The following IL7 variants were observed in gnomAD, a reference collection of about 807,000 sequenced individuals.
IL7 encodes the protein interleukin 7.
In IL7, 3 loss-of-function variants were observed where a neutral mutation model predicts 21.6. The ratio of observed to expected loss-of-function variants is 0.14; its 90% CI spans 0.06 to 0.36. The LOEUF (loss-of-function observed/expected upper bound fraction) is 0.36. Among genes scored for constraint, IL7 ranks in the 10% least tolerant of loss-of-function variants. IL7 has a pLI of 1.00. For synonymous variants in IL7, 62 were observed against 68.1 expected (o/e 0.91, Z 0.44); for missense variants, 175 against 200.2 (o/e 0.87, Z 0.76).
intron 4 of IL7, among the ~76,000 whole-genome samples, chr8:78,683,549 G>T (rs777236109): frequency 1.3e-5 from 2 of 152,128 alleles, no homozygotes; most frequent in Non-Finnish European, 2.9e-5. Context: ...CACACAGTAG[G>T]GGGGCCCTGG....
At chr8:78,702,845 C>G (rs1406894501) in intron 3 of IL7, among the ~76,000 whole-genome samples, 1 of 152,010 alleles carries the variant, frequency 6.6e-6, no homozygotes, top group Non-Finnish European at 1.5e-5. Context: ...GATTTCAGTT[C>G]TTTTGCTTTT....
intron 4 of IL7, among the ~76,000 whole-genome samples, chr8:78,684,058 A>G (rs1390001428): frequency 6.6e-6 from 1 of 152,132 alleles, no homozygotes; most frequent in Admixed American, 6.5e-5. Context: ...GGAAGTTCCA[A>G]ACTTTCCCAC....
At chr8:78,725,336 A>G (rs1239767764) in intron 3 of IL7, among the ~76,000 whole-genome samples, 1 of 146,824 alleles carries the variant, frequency 6.8e-6, no homozygotes, top group African/African-American at 2.5e-5. Flanking sequence ...CCTGTTCCCC[A>G]TGGTAGCACT....
chr8:78,746,667 T>C (rs1390300021), intron 2 of IL7, among the ~76,000 whole-genome samples: 1 of 152,220 alleles, frequency 6.6e-6, no homozygotes, highest in Non-Finnish European at 1.5e-5. Context: ...TTCCATCTTA[T>C]GACTTAGAAT....
At chr8:78,675,854 A>T in exon 5 of IL7, 1 of 1,611,046 alleles carries the variant, frequency 6.2e-7, no homozygotes, top group Non-Finnish European at 8.5e-7. Flanking sequence ...CATTCTTTCC[A>T]GTAGCATTAG....
At chr8:78,721,634 G>A (rs547665047) in intron 3 of IL7, among the ~76,000 whole-genome samples, 21 of 152,032 alleles carry the variant, frequency 1.4e-4, no homozygotes, top group Non-Finnish European at 2.1e-4. Context: ...AGTGAAATGC[G>A]GATTTTCACT....
chr8:78,731,616 A>G (rs1033778900), downstream of IL7, among the ~76,000 whole-genome samples: 1 of 151,966 alleles, frequency 6.6e-6, no homozygotes, highest in Admixed American at 6.6e-5. Context: ...AAGCATTTAA[A>G]TATATATTTA....
chr8:78,765,870 T>C (rs1037700659), intron 2 of IL7, among the ~76,000 whole-genome samples: 32 of 152,102 alleles, frequency 2.1e-4, no homozygotes, highest in Admixed American at 1.9e-3. Context: ...AAAACCCCCA[T>C]GTGAATAATT....
intron 2 of IL7, chr8:78,797,774 G>A: frequency 4.4e-6 from 1 of 226,414 alleles, no homozygotes; most frequent in Non-Finnish European, 8.7e-6. Flanking sequence ...CATGGTAAAT[G>A]GGAGGTGAGG....
At chr8:78,767,305 G>A (rs1812787276) in intron 2 of IL7, among the ~76,000 whole-genome samples, 1 of 151,812 alleles carries the variant, frequency 6.6e-6, no homozygotes, top group Admixed American at 6.6e-5. Flanking sequence ...GAACAATCAG[G>A]TTAATTTTGG....
At chr8:78,740,119 G>C (rs377569036) in intron 2 of IL7, 37 bp from the exon 3 acceptor site, 502 of 1,202,324 alleles carry the variant, frequency 4.2e-4, no homozygotes, top group Non-Finnish European at 5.2e-4. Context: ...GGTTAAAACT[G>C]AGTACTTTTC....
chr8:78,686,374 T>G (rs1020180190), intron 3 of IL7: 1 of 1,069,634 alleles, frequency 9.3e-7, no homozygotes, highest in Non-Finnish European at 1.2e-6. Flanking sequence ...AGAGAACATT[T>G]AAAATGATAT....
intron 3 of IL7, among the ~76,000 whole-genome samples, chr8:78,739,796 C>CAA (rs34571033): frequency 6.6e-6 from 1 of 150,640 alleles, no homozygotes; most frequent in Non-Finnish European, 1.5e-5. Context: ...AATGGTGAAA[C>CAA]AAAAAAAACT....
At chr8:78,679,710 C>T (rs1056019202) in intron 4 of IL7, among the ~76,000 whole-genome samples, 1 of 152,142 alleles carries the variant, frequency 6.6e-6, no homozygotes, top group Non-Finnish European at 1.5e-5. Flanking sequence ...CAGAATCCTA[C>T]TGTTAATGGT....
chr8:78,699,509 G>T (rs1810533749), intron 3 of IL7, among the ~76,000 whole-genome samples: 1 of 151,978 alleles, frequency 6.6e-6, no homozygotes, highest in South Asian at 2.1e-4. Flanking sequence ...GTGCAGGTTT[G>T]TTACATAGGT....
At chr8:78,791,902 A>G (rs1290944219) in intron 2 of IL7, among the ~76,000 whole-genome samples, 1 of 152,176 alleles carries the variant, frequency 6.6e-6, no homozygotes, top group Non-Finnish European at 1.5e-5. Context: ...TTTAGATTGC[A>G]TTTAAATTAT....
In IL7 at chr8:78,761,437, G is replaced by T. The variant is rs908790572; in HGVS notation, c.148-21355C>A. ...TGGAAGAAAATCCACTAGAGACAATGTAAGCCTGGCCACGACAATACTCCA... is the reference window on the plus strand; with the variant it reads ...TGGAAGAAAATCCACTAGAGACAATTTAAGCCTGGCCACGACAATACTCCA... On this transcript the variant is annotated intron_variant, in intron 2 of 5. Coordinates refer to ENST00000263851, the MANE Select transcript of IL7 (RefSeq NM_000880.4). The T allele has an allele frequency of 1.9e-6, 3 of 1,611,626 alleles. No homozygotes were observed. In the African/African-American group the frequency reaches 4.0e-5, roughly 22 times the overall value.
chr8:78,711,871 T>A (rs1586030594), intron 3 of IL7: 1 of 493,838 alleles, frequency 2.0e-6, no homozygotes, highest in East Asian at 6.9e-5. Flanking sequence ...GACAGTCAGA[T>A]AAAATTAAGG....
intron 2 of IL7, among the ~76,000 whole-genome samples, chr8:78,763,465 A>C (rs1812646290): frequency 6.6e-6 from 1 of 152,138 alleles, no homozygotes; most frequent in Admixed American, 6.5e-5. Flanking sequence ...ATTAAGTGAA[A>C]ATTGTTCATA....
Sources: gnomAD v4.1 joint callset for allele counts (sites outside exome capture counted in the v4.1 genomes callset) on GRCh38, gnomAD v4.1.1 for gene constraint, MANE v1.5 for transcripts, NCBI Gene and HGNC (gene_info 2026-07-23, HGNC 2026-07-21) for gene names.